Variants in RARB observed in about 807,000 individuals in gnomAD.
RARB encodes the protein HBV-activated protein.
In RARB, 17 loss-of-function variants were observed where a neutral mutation model predicts 51.9. The ratio of observed to expected loss-of-function variants is 0.33; its 90% CI spans 0.22 to 0.49. RARB has a LOEUF of 0.49. Ranked by LOEUF, RARB falls within the 20% of genes least tolerant of loss-of-function variation. The pLI is 0.99. For missense variants in RARB, 369 were observed against 550.8 expected, an observed-to-expected ratio of 0.67 and a Z score of 3.30; for synonymous variants, 215 against 195.4, an observed-to-expected ratio of 1.10 and a Z score of -0.84.
intron 5 of RARB, among the ~76,000 whole-genome samples, chr3:25,350,259 G>A (rs969415035): frequency 2.6e-5 from 4 of 152,074 alleles, no homozygotes; most frequent in African/African-American, 7.2e-5. Flanking sequence ...CAAAGCAACC[G>A]CCTACTGAAG....
chr3:25,372,251 G>C (rs1474997892), intron 5 of RARB, among the ~76,000 whole-genome samples: 1 of 152,160 alleles, frequency 6.6e-6, no homozygotes, highest in Non-Finnish European at 1.5e-5. Context: ...ATTCTTTGCT[G>C]TGAGGCCTGT....
intron 4 of RARB, among the ~76,000 whole-genome samples, chr3:25,142,687 G>A (rs1700128013): frequency 6.6e-6 from 1 of 151,842 alleles, no homozygotes; most frequent in Non-Finnish European, 1.5e-5. Context: ...TGGGTTAACA[G>A]ACAGATGATA....
intron 5 of RARB, among the ~76,000 whole-genome samples, chr3:25,395,554 T>G (rs1196098533): frequency 6.6e-6 from 1 of 152,204 alleles, no homozygotes; most frequent in Non-Finnish European, 1.5e-5. Flanking sequence ...TAGGTTTGGT[T>G]GTTTAACATA....
intron 5 of RARB, among the ~76,000 whole-genome samples, chr3:25,185,100 T>G (rs1032671356): frequency 1.2e-4 from 19 of 152,186 alleles, no homozygotes; most frequent in African/African-American, 4.6e-4. Context: ...AAGTTTACAT[T>G]AGGCATATGG....
intron 2 of RARB, among the ~76,000 whole-genome samples, chr3:25,466,028 CTCTT>C (rs975300116): frequency 2.0e-5 from 3 of 152,166 alleles, no homozygotes; most frequent in Non-Finnish European, 4.4e-5. Flanking sequence ...GTGCAACTCT[CTCTT>C]TTCTCATCTG....
rs1317197 is a variant in RARB at position 24,832,628 on chromosome 3, A to T, written c.-459+3225A>T. Among the ~76,000 whole-genome samples the T allele has an allele frequency of 8.5e-3, 745 of 88,002 alleles. 8 individuals are homozygous for T. The highest frequency in any genetic ancestry group is 0.011 in the Non-Finnish European group (478 of 45,020). 57.7% of individuals were successfully genotyped at this position (88,002 alleles called of 152,430 possible). A position where few individuals can be genotyped will look rare whatever the true frequency, so the allele number is the denominator to read the frequency against. On this transcript the variant is annotated intron_variant, in intron 1 of 11. Transcript: ENST00000383772. ...CTGTATTTAGAAAAAATTGAGTCCC[A>T]ATATATATATATATATATATATAAT...
intron 2 of RARB, among the ~76,000 whole-genome samples, chr3:24,861,593 A>T (rs1702747926): frequency 1.7e-5 from 1 of 60,220 alleles, no homozygotes; most frequent in South Asian, 4.6e-4. Flanking sequence ...ATAACTTGTT[A>T]TAAAAAAAAA....
At chr3:25,260,875 C>A (rs540354476) in intron 5 of RARB, among the ~76,000 whole-genome samples, 3 of 151,984 alleles carry the variant, frequency 2.0e-5, no homozygotes, top group South Asian at 2.1e-4. Context: ...CATTGGCTCA[C>A]GTATGGAGAA....
chr3:25,233,983 A>C (rs13092896), intron 5 of RARB, among the ~76,000 whole-genome samples: 15,624 of 151,800 alleles, frequency 0.1, 1,000 homozygotes, highest in South Asian at 0.26. Context: ...ATTTTGTTGG[A>C]GATTTTGAAG....
At chr3:25,178,168 C>G (rs965070317) in intron 5 of RARB, among the ~76,000 whole-genome samples, 1 of 151,950 alleles carries the variant, frequency 6.6e-6, no homozygotes, top group Admixed American at 6.6e-5. Context: ...AACTTTCTAC[C>G]TTAAAGAAGA....
intron 5 of RARB, among the ~76,000 whole-genome samples, chr3:25,280,467 C>T (rs73154950): frequency 0.014 from 2,150 of 152,156 alleles, 44 homozygotes; most frequent in African/African-American, 0.049. Context: ...AGAGCTGAAA[C>T]GCTGAGTGAA....
At chr3:25,325,186 G>A (rs767945478) in intron 5 of RARB, among the ~76,000 whole-genome samples, 4 of 152,154 alleles carry the variant, frequency 2.6e-5, no homozygotes, top group Non-Finnish European at 4.4e-5. Flanking sequence ...AAACCATATA[G>A]TGTAGCTTCC....
At chr3:25,136,768 G>A (rs1700037085) in intron 4 of RARB, among the ~76,000 whole-genome samples, 1 of 151,962 alleles carries the variant, frequency 6.6e-6, no homozygotes, top group Admixed American at 6.6e-5. Context: ...GAGAGTTTGG[G>A]GATGAAGAGG....
At chr3:25,294,543 T>C (rs1341748900) in intron 5 of RARB, among the ~76,000 whole-genome samples, 1 of 152,078 alleles carries the variant, frequency 6.6e-6, no homozygotes, top group Non-Finnish European at 1.5e-5. Context: ...CCACTACCCC[T>C]CTCCCAACCC....
rs576125692 is a variant in RARB at position 25,076,735 on chromosome 3, C to G, written c.-328+16559C>G. 1.3e-4 allele frequency among the ~76,000 whole-genome samples: 20 copies of G among 151,732 alleles called. No individual in the cohort carries two copies. In the East Asian group the frequency reaches 3.9e-3, roughly 29 times the overall value. ...GTTAAAAAGCTTTGTATTTTTTTTG[C>G]TTTTTAATAAAACCAAGTGTTTTCA... On this transcript the variant is annotated intron_variant, in intron 3 of 11. Transcript: ENST00000383772.
intron 5 of RARB, among the ~76,000 whole-genome samples, chr3:25,416,748 C>T (rs367573723): frequency 1.3e-5 from 2 of 152,174 alleles, no homozygotes; most frequent in East Asian, 3.8e-4. Flanking sequence ...AGTCTGCCAA[C>T]CCCTGGACTT....
chr3:24,969,065 C>A (rs1048242865), intron 2 of RARB, among the ~76,000 whole-genome samples: 1 of 151,636 alleles, frequency 6.6e-6, no homozygotes, highest in African/African-American at 2.4e-5. Flanking sequence ...ATTTGTAATT[C>A]TGATACAATA....
chr3:25,225,797 A>C (rs2125387225), intron 5 of RARB, among the ~76,000 whole-genome samples: 1 of 152,300 alleles, frequency 6.6e-6, no homozygotes, highest in Admixed American at 6.5e-5. Flanking sequence ...GGTTATTTTA[A>C]TTTGCTTAAG....
intron 2 of RARB, among the ~76,000 whole-genome samples, chr3:25,055,445 A>G (rs1467916942): frequency 6.6e-6 from 1 of 152,162 alleles, no homozygotes; most frequent in African/African-American, 2.4e-5. Flanking sequence ...AGTACAATAT[A>G]TATACAGAGA....
Sources: gnomAD v4.1 joint callset for allele counts (sites outside exome capture counted in the v4.1 genomes callset) on GRCh38, gnomAD v4.1.1 for gene constraint, MANE v1.5 for transcripts, NCBI Gene and HGNC (gene_info 2026-07-23, HGNC 2026-07-21) for gene names.